ARHGAP22: variants seen among roughly 807,000 people sequenced by gnomAD.
The protein encoded by ARHGAP22 is rho GTPase-activating protein 22.
Under a neutral mutation model 59.1 loss-of-function variants are expected in ARHGAP22, and 48 were observed. The observed-to-expected ratio is 0.81, with a 90% confidence interval of 0.64 to 1.03. ARHGAP22 has a LOEUF of 1.03. ARHGAP22 is among the 50% of genes least tolerant of loss of function. The probability of loss-of-function intolerance (pLI) is 0.00; values close to 1 mark genes in which losing one functional copy is unlikely to be tolerated. For missense variants in ARHGAP22, 1,015 were observed against 958.7 expected (o/e 1.06, Z -0.78); for synonymous variants, 445 against 416.4 (o/e 1.07, Z -0.84).
chr10:48,495,006 C>A (rs1467264350), intron 3 of ARHGAP22, among the ~76,000 whole-genome samples: 1 of 152,228 alleles, frequency 6.6e-6, no homozygotes, highest in African/African-American at 2.4e-5. Flanking sequence ...AGGAGCTGCG[C>A]CCTCCCACCC....
At chr10:48,491,732 A>G (rs2050412927) in intron 3 of ARHGAP22, among the ~76,000 whole-genome samples, 1 of 152,266 alleles carries the variant, frequency 6.6e-6, no homozygotes, top group South Asian at 2.1e-4. Flanking sequence ...GATGAGCGTG[A>G]GTAGTGTGAA....
At chr10:48,445,313 CA>C (rs1049881688), downstream of ARHGAP22, 3 of 152,326 alleles carry the variant, frequency 2.0e-5, no homozygotes, top group African/African-American at 7.2e-5. Flanking sequence ...GGTTACTGCT[CA>C]GGGGCAGCAA....
chr10:48,588,271 G>T (rs895519245), intron 1 of ARHGAP22, among the ~76,000 whole-genome samples: 1 of 152,198 alleles, frequency 6.6e-6, no homozygotes, highest in African/African-American at 2.4e-5. Flanking sequence ...GCCCCACCCT[G>T]CAGGATAGGA....
At chr10:48,434,753 T>A in the ARHGAP22 span, 1 of 617,272 alleles carries the variant, frequency 1.6e-6, no homozygotes. Context: ...TGGATATCAT[T>A]TGCGATTATT....
chr10:48,524,045 G>A lies in ARHGAP22; in HGVS notation c.322+31418C>T, dbSNP rs1295437687. 8.1e-6 allele frequency: 12 copies of A among 1,476,202 alleles called. No individual in the cohort carries two copies. The Admixed American group carries it at 2.0e-4, about 24-fold the overall frequency. The allele number at this position is 1,476,202 out of a possible 1,614,324, so 91.4% of individuals were successfully genotyped here. A position where few individuals can be genotyped will look rare whatever the true frequency, so the allele number is the denominator to read the frequency against. ...AGGGAGCGGGGCGCACGTGCGCGCC[G>A]GAGTTACCTTTGGGCGCTCGCAGGT... On this transcript the variant is annotated intron_variant, in intron 3 of 9. Transcript: ENST00000249601.
At chr10:48,536,746 C>G (rs774404083) in intron 3 of ARHGAP22, among the ~76,000 whole-genome samples, 77 of 152,246 alleles carry the variant, frequency 5.1e-4, no homozygotes, top group Non-Finnish European at 1.0e-3. Flanking sequence ...CATGTAGGAA[C>G]AGCGGTGTTT....
At chr10:48,643,559 C>T (rs1340180935) in intron 1 of ARHGAP22, among the ~76,000 whole-genome samples, 2 of 148,146 alleles carry the variant, frequency 1.4e-5, no homozygotes, top group Non-Finnish European at 3.0e-5. Context: ...ACAATGAGAA[C>T]ATTTGGACAC....
At chr10:48,475,308 A>G (rs182332525) in intron 4 of ARHGAP22, among the ~76,000 whole-genome samples, 1 of 151,326 alleles carries the variant, frequency 6.6e-6, no homozygotes, top group East Asian at 1.9e-4. Context: ...CTGTCCCTCC[A>G]CTCGCTCTGT....
intron 2 of ARHGAP22, among the ~76,000 whole-genome samples, chr10:48,558,062 A>G (rs1217912883): frequency 6.6e-6 from 1 of 152,180 alleles, no homozygotes; most frequent in Non-Finnish European, 1.5e-5. Context: ...GTCTCTGAAA[A>G]CTATAAAGTA....
chr10:48,556,400 C>T (rs2057313095), intron 2 of ARHGAP22, among the ~76,000 whole-genome samples: 1 of 152,190 alleles, frequency 6.6e-6, no homozygotes, highest in Admixed American at 6.5e-5. Flanking sequence ...CTAGGCAGGG[C>T]CTCCTTTATC....
intron 1 of ARHGAP22, among the ~76,000 whole-genome samples, chr10:48,602,036 T>C (rs78087787): frequency 0.018 from 2,666 of 152,334 alleles, 78 homozygotes; most frequent in African/African-American, 0.061. Context: ...TGGGCGACCA[T>C]GATTCTTCTA....
chr10:48,479,730 G>A lies in ARHGAP22; in HGVS notation c.357C>T (p.Asn119=), dbSNP rs777619910. The A allele has an allele frequency of 6.2e-7, 1 of 1,602,136 alleles. No individual in the cohort carries two copies. Among genetic ancestry groups the A allele is most frequent in the Non-Finnish European group, 8.5e-7 (1 of 1,173,238 alleles). The part of the protein sequence containing the change: ...GAGEREKVPA[N]PEALLLMASS... ...TGGCCATGAGCAGGAGCGCCTCGGG[G>A]TTGGCCGGCACCTTCTCCCGCTCCC... The change falls in exon 4 of 10, where the codon AAC becomes AAT. Residue 119 remains asparagine, a synonymous_variant. Transcript: ENST00000249601.
chr10:48,431,141 G>A, the ARHGAP22 span: 2 of 1,150,634 alleles, frequency 1.7e-6, no homozygotes, highest in Admixed American at 1.7e-5. Flanking sequence ...CATGCGTTGT[G>A]AGATTGGCTC....
At chr10:48,634,557 C>G (rs1332691202) in intron 1 of ARHGAP22, among the ~76,000 whole-genome samples, 1 of 152,152 alleles carries the variant, frequency 6.6e-6, no homozygotes, top group African/African-American at 2.4e-5. Context: ...GGTGGGTGAG[C>G]CTGGGCTTCC....
the ARHGAP22 span, chr10:48,430,196 C>A: frequency 6.6e-6 from 1 of 152,298 alleles, no homozygotes; most frequent in Non-Finnish European, 1.5e-5. Flanking sequence ...CAGGTTCAAG[C>A]AATTCTCCTG....
At chr10:48,568,745 T>C (rs536958682) in intron 2 of ARHGAP22, among the ~76,000 whole-genome samples, 381 of 152,328 alleles carry the variant, frequency 2.5e-3, no homozygotes, top group African/African-American at 6.4e-3. Flanking sequence ...CTGGGAGCTC[T>C]TGGTAGGTGC....
At chr10:48,515,009 A>G (rs945889595) in intron 3 of ARHGAP22, among the ~76,000 whole-genome samples, 12 of 152,218 alleles carry the variant, frequency 7.9e-5, no homozygotes, top group African/African-American at 2.9e-4. Context: ...ACAAAAAGAA[A>G]GCAGTAATGG....
intron 1 of ARHGAP22, among the ~76,000 whole-genome samples, chr10:48,587,528 TTGTTTCCCC>T (rs147635623): frequency 0.075 from 11,390 of 152,260 alleles, 460 homozygotes; most frequent in Middle Eastern, 0.11. Context: ...TTGGCAGATG[TTGTTTCCCC>T]TGGCAGTGAG....
chr10:48,458,415 C>A (rs1017812695), intron 5 of ARHGAP22, among the ~76,000 whole-genome samples: 10 of 152,114 alleles, frequency 6.6e-5, no homozygotes, highest in African/African-American at 2.2e-4. Context: ...AGGAACCACA[C>A]CTTGGGAGAG....
Sources: gnomAD v4.1 joint callset for allele counts (sites outside exome capture counted in the v4.1 genomes callset) on GRCh38, gnomAD v4.1.1 for gene constraint, MANE v1.5 for transcripts, NCBI Gene and HGNC (gene_info 2026-07-23, HGNC 2026-07-21) for gene names.